Variants in URGCP observed in about 807,000 individuals in gnomAD.
URGCP encodes upregulator of cell proliferation, also known as up-regulator of cell proliferation.
Under a neutral mutation model 24.6 loss-of-function variants are expected in URGCP, and 13 were observed. The ratio of observed to expected loss-of-function variants is 0.53; its 90% CI spans 0.34 to 0.84. URGCP has a LOEUF of 0.84. URGCP is among the 40% of genes least tolerant of loss of function. The probability of loss-of-function intolerance (pLI) is 0.01; values close to 1 mark genes in which losing one functional copy is unlikely to be tolerated. For synonymous variants in URGCP, 444 were observed against 487.2 expected, an observed-to-expected ratio of 0.91 and a Z score of 1.17; for missense variants, 899 against 1,194.3, an observed-to-expected ratio of 0.75 and a Z score of 3.64.
chr7:43,921,265 G>A (rs577564497), intron 1 of URGCP, among the ~76,000 whole-genome samples: 1 of 152,056 alleles, frequency 6.6e-6, no homozygotes, highest in Admixed American at 6.5e-5. Flanking sequence ...GGCAGAGCTT[G>A]CAGTGAGCTG....
chr7:43,903,364 A>G (rs1214070225), intron 1 of URGCP, among the ~76,000 whole-genome samples: 1 of 152,174 alleles, frequency 6.6e-6, no homozygotes. Context: ...TACCCCCCCA[A>G]ACTCAGATGG....
intron 1 of URGCP, chr7:43,920,103 A>G: frequency 9.6e-7 from 1 of 1,046,146 alleles, no homozygotes; most frequent in South Asian, 1.5e-5. Context: ...TGGTTGACCA[A>G]GGCCCTGCCT....
At chr7:43,923,484 C>T (rs776158444) in intron 1 of URGCP, among the ~76,000 whole-genome samples, 2 of 152,070 alleles carry the variant, frequency 1.3e-5, no homozygotes, top group Admixed American at 6.6e-5. Context: ...ATCAGGGGTT[C>T]GCTATGTTGC....
intron 1 of URGCP, among the ~76,000 whole-genome samples, chr7:43,896,285 GTC>G (rs1479571222): frequency 6.6e-6 from 1 of 152,002 alleles, no homozygotes; most frequent in East Asian, 1.9e-4. Flanking sequence ...GTGAAACCCT[GTC>G]TCTGCTAAAA....
chr7:43,919,601 G>A (rs1032035736), intron 1 of URGCP: 3 of 1,416,356 alleles, frequency 2.1e-6, no homozygotes, highest in Non-Finnish European at 2.0e-6. Context: ...TGCAGCCCAA[G>A]AACGTGATGG....
Position 43,912,652 on chromosome 7 carries a change from T to TG in URGCP, c.-116+13479dup, listed in dbSNP as rs1385446366. Among the ~76,000 whole-genome samples the TG allele has an allele frequency of 3.9e-5, 6 of 152,320 alleles. No individual in the cohort carries two copies. The East Asian group carries it at 7.7e-4, about 20-fold the overall frequency. On this transcript the variant is annotated intron_variant, in intron 1 of 5. Transcript: ENST00000426198. ...GATTACATTGTATCTGCAGATCACT[T>TG]GGGGTAATAGTGACATCTTAACAAT...
At chr7:43,886,718 A>G (rs1192204095) in intron 3 of URGCP, among the ~76,000 whole-genome samples, 1 of 152,250 alleles carries the variant, frequency 6.6e-6, no homozygotes, top group Non-Finnish European at 1.5e-5. Flanking sequence ...GCGCCACTGC[A>G]TTCCAGCCTG....
chr7:43,877,178 G>A lies in URGCP; in HGVS notation c.2285C>T (p.Thr762Met), dbSNP rs375907049. ...DSGGLIGGAL[T>M]SAGDRFELEA... ...CAGCTCAAATCTGTCCCCAGCTGACGTCAAGGCCCCACCTATCAAGCCCCC... is the reference window on the plus strand; with the variant it reads ...CAGCTCAAATCTGTCCCCAGCTGACATCAAGGCCCCACCTATCAAGCCCCC... Residue 762 changes from threonine to methionine, a missense_variant, in exon 6 of 6, where the codon ACG (threonine) becomes ATG (methionine). Thr to Met is a moderately conservative substitution (Grantham distance 81). Coordinates refer to ENST00000453200, the MANE Select transcript of URGCP (RefSeq NM_001077663.3). 5.3e-5 allele frequency: 85 copies of A among 1,614,174 alleles called. No homozygotes were observed. Among genetic ancestry groups the A allele is most frequent in the South Asian group, 1.3e-4 (12 of 91,090 alleles).
Position 43,896,713 on chromosome 7 carries a change from G to A in URGCP, c.15-8897C>T, listed in dbSNP as rs118152848. Among the ~76,000 whole-genome samples, 330 of 152,218 alleles carry A rather than the reference G, an allele frequency of 2.2e-3. 6 individuals carry two copies. The East Asian group carries it at 0.055, about 25-fold the overall frequency. ...GAGGGGAACACTCACTGCACAAACA[G>A]TAAACAAACAAAAAACACTACAAAC... On this transcript the variant is annotated intron_variant, in intron 1 of 5. Transcript: ENST00000453200.
At chr7:43,906,698 G>T, upstream of URGCP, 1 of 984,942 alleles carries the variant, frequency 1.0e-6, no homozygotes, top group Non-Finnish European at 1.2e-6. Flanking sequence ...AGGGGTGGAG[G>T]TGGGGTGAGG....
In URGCP at chr7:43,877,204, G is replaced by A. The variant is rs374979855; in HGVS notation, c.2259C>T (p.Ser753=). Residue 753 remains serine, a synonymous_variant, in exon 6 of 6, where the codon TCC becomes TCT. Coordinates refer to ENST00000453200, the MANE Select transcript of URGCP (RefSeq NM_001077663.3). ...TCAAGGCCCCACCTATCAAGCCCCC[G>A]GAGTCTATCACCAGGATGTGGTCAC... ...LGCDHILVID[S]GGLIGGALTS... is the part of the protein sequence containing the mutation. The A allele has an allele frequency of 2.3e-5, 37 of 1,613,928 alleles. 1 individual carries two copies. The highest frequency in any genetic ancestry group is 4.0e-5 in the African/African-American group (3 of 74,898).
chr7:43,888,059 G>A, intron 1 of URGCP: 2 of 474,194 alleles, frequency 4.2e-6, no homozygotes, highest in Non-Finnish European at 7.5e-6. Flanking sequence ...TGCACAGTAT[G>A]ATTACAATTT....
intron 1 of URGCP, among the ~76,000 whole-genome samples, chr7:43,896,761 T>C (rs2132691039): frequency 1.3e-5 from 2 of 152,252 alleles, no homozygotes; most frequent in East Asian, 3.9e-4. Context: ...ACCTATAAAA[T>C]GAGGCTGATC....
chr7:43,890,748 C>T (rs372908626), intron 1 of URGCP, among the ~76,000 whole-genome samples: 277 of 152,316 alleles, frequency 1.8e-3, no homozygotes, highest in African/African-American at 6.4e-3. Context: ...ACAGCTCCTT[C>T]TCACTAAGTT....
rs555255065 is a variant in URGCP at position 43,886,658 on chromosome 7, C to T, written c.112+757G>A. Among the ~76,000 whole-genome samples the T allele has an allele frequency of 3.9e-5, 6 of 152,270 alleles. No homozygotes were observed. In the South Asian group the frequency reaches 1.2e-3, roughly 32 times the overall value. Reference sequence around the variant, plus strand: ...ATCTCAGCTACTTGGGAGGCTGAGGCAGCAGAATCACTTGAACCCAGGAGG... The same window carrying T: ...ATCTCAGCTACTTGGGAGGCTGAGGTAGCAGAATCACTTGAACCCAGGAGG... On this transcript the variant is annotated intron_variant, in intron 3 of 5. Transcript: ENST00000453200.
At position 43,876,674 on chromosome 7, in the gene URGCP, C is replaced by T. The variant is rs750425699; in HGVS notation, c.2789G>A (p.Arg930Gln). 1.7e-5 allele frequency: 28 copies of T among 1,613,534 alleles called. No homozygotes were observed. The highest frequency in any genetic ancestry group is 1.9e-5 in the Non-Finnish European group (23 of 1,179,724). The change falls in exon 6 of 6, where the codon CGG (arginine) becomes CAG (glutamine). Residue 930 changes from arginine to glutamine, a missense_variant. Transcript: ENST00000453200. ...NIQQLIELVR[R>Q]L Reference sequence around the variant, plus strand: ...CTGGGTTTCTCTGCACACTCACAGCCGTCTCACCAGCTCAATGAGCTGCTG... The same window carrying T: ...CTGGGTTTCTCTGCACACTCACAGCTGTCTCACCAGCTCAATGAGCTGCTG...
At chr7:43,896,956 C>T (rs1489951609) in intron 1 of URGCP, among the ~76,000 whole-genome samples, 3 of 152,086 alleles carry the variant, frequency 2.0e-5, no homozygotes, top group Admixed American at 2.0e-4. Flanking sequence ...TTGCTAGGAA[C>T]CTTTCTAGGA....
chr7:43,889,146 A>G (rs1032948887), intron 1 of URGCP: 1 of 152,220 alleles, frequency 6.6e-6, no homozygotes, highest in African/African-American at 2.4e-5. Flanking sequence ...TCTCTTGCTC[A>G]CATCAGAACA....
chr7:43,884,463 C>G (rs550931747), intron 3 of URGCP, among the ~76,000 whole-genome samples: 61 of 152,268 alleles, frequency 4.0e-4, no homozygotes, highest in African/African-American at 1.5e-3. Flanking sequence ...ATAGGCCAGG[C>G]CCTACCACCA....
Sources: allele counts gnomAD v4.1 joint callset (sites outside exome capture counted in the v4.1 genomes callset), GRCh38; gene constraint gnomAD v4.1.1; transcripts MANE v1.5; gene names NCBI Gene and HGNC (gene_info 2026-07-23, HGNC 2026-07-21).